FNIP1: variants seen among roughly 807,000 people sequenced by gnomAD.
The protein encoded by FNIP1 is folliculin interacting protein 1, also known as folliculin-interacting protein 1.
A neutral mutation model predicts 124.5 loss-of-function variants in FNIP1; 40 were observed. That is an observed-to-expected ratio of 0.32 (90% CI 0.25 to 0.42). FNIP1 has a LOEUF of 0.42. Among genes scored for constraint, FNIP1 ranks in the 10% least tolerant of loss-of-function variants. The probability of loss-of-function intolerance (pLI) is 1.00; values close to 1 mark genes in which losing one functional copy is unlikely to be tolerated. For missense variants in FNIP1, 1,176 were observed against 1,403.7 expected (o/e 0.84, Z 2.59); for synonymous variants, 472 against 470.6 (o/e 1.00, Z -0.04).
chr5:131,693,323 TATATATATAC>T lies in FNIP1; in HGVS notation c.1202+5584_1202+5593del, dbSNP rs1163524711. 1.8e-4 allele frequency among the ~76,000 whole-genome samples: 16 copies of T among 90,862 alleles called. 1 individual carries two copies. The highest frequency in any genetic ancestry group is 4.9e-4 in the African/African-American group (10 of 20,296). 59.6% of individuals were successfully genotyped at this position (90,862 alleles called of 152,430 possible). A position where few individuals can be genotyped will look rare whatever the true frequency, so the allele number is the denominator to read the frequency against. ...ATATATATATATATATATACACATA[TATATATATAC>T]ATATATATATATATATATATATATA... On this transcript the variant is annotated intron_variant, in intron 11 of 17. Coordinates refer to ENST00000510461, the MANE Select transcript of FNIP1 (RefSeq NM_133372.3).
chr5:131,772,414 T>G (rs558876065), intron 1 of FNIP1, among the ~76,000 whole-genome samples: 2 of 71,640 alleles, frequency 2.8e-5, no homozygotes, highest in African/African-American at 1.2e-4. Flanking sequence ...TAAAACAAAT[T>G]CAAACCAAAA....
chr5:131,712,712 A>G (rs1769336630), intron 6 of FNIP1, among the ~76,000 whole-genome samples: 1 of 152,210 alleles, frequency 6.6e-6, no homozygotes, highest in Non-Finnish European at 1.5e-5. Flanking sequence ...TTTCTAATAA[A>G]GTATTTATCA....
At position 131,651,866 on chromosome 5, in the gene FNIP1, C is replaced by A. The variant is rs914744335; in HGVS notation, c.3242G>T (p.Ser1081Ile). 6.2e-7 allele frequency: 1 copy of A among 1,614,144 alleles called. No homozygotes were observed. Among genetic ancestry groups the A allele is most frequent in the Admixed American group, 1.7e-5 (1 of 60,024 alleles). Residue 1081 changes from serine to isoleucine, a missense_variant, in exon 16 of 18, where the codon AGT becomes ATT. Ser to Ile is a moderately radical substitution (Grantham distance 142, BLOSUM62 -2). This residue lies in a region of FNIP1 where 67 missense variants were observed against 115.2 expected (regional missense o/e 0.58). Transcript: ENST00000510461. Reference sequence around the variant, plus strand: ...GGAATGAAGCAGATTGGAAACAAGACTGGAAACCAATACTTCCTTTCCCAA... The same window carrying A: ...GGAATGAAGCAGATTGGAAACAAGAATGGAAACCAATACTTCCTTTCCCAA... ...NKLGKEVLVS[S>I]LVSNLLHSTL... is the part of the protein sequence containing the mutation.
At position 131,794,141 on chromosome 5, in the gene FNIP1, A is replaced by G. The variant is rs1307307084; in HGVS notation, c.92+2689T>C. Among the ~76,000 whole-genome samples, 5 of 148,478 alleles carry G rather than the reference A, an allele frequency of 3.4e-5. No homozygotes were observed. The South Asian group carries it at 8.7e-4, about 26-fold the overall frequency. ...AGCCTACTCAGGAGGCTGAGGTGAG[A>G]GGATTACTAGAGCCCAGGAGGTCAA... is the stretch of plus-strand genomic sequence containing the variant. On this transcript the variant is annotated intron_variant, in intron 1 of 17. Coordinates refer to ENST00000510461, the MANE Select transcript of FNIP1 (RefSeq NM_133372.3).
chr5:131,704,328 T>C, intron 9 of FNIP1, 62 bp from the exon 10 acceptor site: 1 of 1,350,592 alleles, frequency 7.4e-7, no homozygotes, highest in Non-Finnish European at 1.0e-6. Flanking sequence ...AATTTAATCT[T>C]CTTGCTAATT....
chr5:131,673,212 T>C, intron 13 of FNIP1, among the ~76,000 whole-genome samples: 1 of 151,156 alleles, frequency 6.6e-6, no homozygotes, highest in African/African-American at 2.4e-5. Flanking sequence ...CATGCCTGGC[T>C]AATTTTTTGT....
chr5:131,693,501 A>G (rs1394478487), intron 11 of FNIP1, among the ~76,000 whole-genome samples: 3 of 151,610 alleles, frequency 2.0e-5, no homozygotes, highest in Admixed American at 6.6e-5. Context: ...TTTTCAGCAA[A>G]TGGTGCTGCA....
chr5:131,674,210 A>C (rs1007923483), intron 13 of FNIP1, among the ~76,000 whole-genome samples: 2 of 152,164 alleles, frequency 1.3e-5, no homozygotes, highest in African/African-American at 4.8e-5. Context: ...GATAGGCCAG[A>C]AAGGGCAGGA....
chr5:131,710,481 C>T, intron 7 of FNIP1, 97 bp downstream of exon 7: 1 of 1,059,208 alleles, frequency 9.4e-7, no homozygotes, highest in South Asian at 1.7e-5. Flanking sequence ...ACAACCTCAC[C>T]AACTGCATTC....
chr5:131,705,682 G>A (rs76002445), intron 9 of FNIP1, among the ~76,000 whole-genome samples: 350 of 152,252 alleles, frequency 2.3e-3, no homozygotes, highest in Non-Finnish European at 4.1e-3. Context: ...AGTGTGCAGC[G>A]TGACAGTTCC....
chr5:131,715,283 C>T (rs1323650545), intron 6 of FNIP1, among the ~76,000 whole-genome samples: 2 of 152,070 alleles, frequency 1.3e-5, no homozygotes, highest in Non-Finnish European at 2.9e-5. Context: ...GTCAGGAGTT[C>T]GAGAACAGCC....
chr5:131,769,805 A>G (rs949960626), intron 1 of FNIP1, among the ~76,000 whole-genome samples: 2 of 152,226 alleles, frequency 1.3e-5, no homozygotes, highest in Non-Finnish European at 2.9e-5. Flanking sequence ...TTACAGAAGC[A>G]ATTACGACTG....
chr5:131,704,358 C>T (rs1277212890), intron 9 of FNIP1, 92 bp from the exon 10 acceptor site: 2 of 1,073,162 alleles, frequency 1.9e-6, no homozygotes, highest in East Asian at 2.6e-5. Flanking sequence ...TAAGCTAAGT[C>T]TTTTGCTGTT....
intron 1 of FNIP1, among the ~76,000 whole-genome samples, chr5:131,792,364 T>C (rs1772437279): frequency 6.6e-6 from 1 of 152,256 alleles, no homozygotes; most frequent in Non-Finnish European, 1.5e-5. Flanking sequence ...TTTCACCACA[T>C]TGGCCAGGCT....
At position 131,672,227 on chromosome 5, in the gene FNIP1, A is replaced by G; in HGVS notation, c.2217T>C (p.Pro739=). Residue 739 remains proline (P), a synonymous_variant, in exon 14 of 18, where the codon CCT becomes CCC. Coordinates refer to ENST00000510461, the MANE Select transcript of FNIP1 (RefSeq NM_133372.3). The part of the protein sequence containing the change: ...VEKKPPDKIV[P]ASFSCEAAQT... Reference sequence around the variant, plus strand: ...GGGCAGCCTCACAAGAAAATGAAGCAGGCACAATCTTATCTGGAGGTTTTT... The same window carrying G: ...GGGCAGCCTCACAAGAAAATGAAGCGGGCACAATCTTATCTGGAGGTTTTT... 6.2e-7 allele frequency: 1 copy of G among 1,614,230 alleles called. No homozygotes were observed. The highest frequency in any genetic ancestry group is 8.5e-7 in the Non-Finnish European group (1 of 1,180,036).
intron 1 of FNIP1, among the ~76,000 whole-genome samples, chr5:131,785,329 T>C (rs574228902): frequency 6.6e-6 from 1 of 151,206 alleles, no homozygotes; most frequent in African/African-American, 2.4e-5. Flanking sequence ...TTGAGGCAGG[T>C]GGACTGCTTG....
intron 15 of FNIP1, among the ~76,000 whole-genome samples, chr5:131,657,138 G>C (rs1017318898): frequency 6.6e-6 from 1 of 151,324 alleles, no homozygotes; most frequent in African/African-American, 2.4e-5. Flanking sequence ...CAAGTAGCTG[G>C]GACTACAGGC....
chr5:131,667,657 C>T (rs566340289), intron 15 of FNIP1, among the ~76,000 whole-genome samples: 2 of 150,600 alleles, frequency 1.3e-5, no homozygotes, highest in East Asian at 3.9e-4. Flanking sequence ...GGCGTGATCT[C>T]GGCTCACTGC....
chr5:131,712,628 G>A (rs1202558275), intron 6 of FNIP1, among the ~76,000 whole-genome samples: 1 of 152,178 alleles, frequency 6.6e-6, no homozygotes, highest in Non-Finnish European at 1.5e-5. Context: ...TTGGAGGCCT[G>A]TAATAACATG....
Sources: allele counts gnomAD v4.1 joint callset (sites outside exome capture counted in the v4.1 genomes callset), GRCh38; gene constraint gnomAD v4.1.1; regional missense constraint gnomAD v4.1.1; transcripts MANE v1.5; gene names NCBI Gene and HGNC (gene_info 2026-07-23, HGNC 2026-07-21).